The following RPH3AL variants were observed in gnomAD, a reference collection of about 807,000 sequenced individuals.
RPH3AL encodes the protein rabphilin 3A like (without C2 domains).
In RPH3AL, 38 loss-of-function variants were observed where a neutral mutation model predicts 43.1. That is an observed-to-expected ratio of 0.88 (90% confidence interval 0.68 to 1.15). The LOEUF (loss-of-function observed/expected upper bound fraction) is 1.15. Among genes scored for constraint, RPH3AL ranks in the 50% most tolerant of loss-of-function variants. The probability of loss-of-function intolerance (pLI) is 0.00; values close to 1 mark genes in which losing one functional copy is unlikely to be tolerated. For missense variants in RPH3AL, 462 were observed against 423.2 expected, an observed-to-expected ratio of 1.09 and a Z score of -0.81; for synonymous variants, 189 against 176.3, an observed-to-expected ratio of 1.07 and a Z score of -0.57.
chr17:237,082 G>T (rs911529607), intron 7 of RPH3AL, among the ~76,000 whole-genome samples: 1 of 152,218 alleles, frequency 6.6e-6, no homozygotes, highest in Admixed American at 6.5e-5. Flanking sequence ...AGCTCTTCCC[G>T]GAAGACAGGT....
At chr17:234,454 A>T (rs1241961257) in intron 7 of RPH3AL, 1 of 140,248 alleles carries the variant, frequency 7.1e-6, no homozygotes, top group Non-Finnish European at 1.5e-5. Flanking sequence ...ACTTCCACAA[A>T]GGAAGCCAGA....
Position 329,096 on chromosome 17 carries a change from G to A in RPH3AL, c.-36-1517C>T, listed in dbSNP as rs140657219. On this transcript the variant is annotated intron_variant, in intron 2 of 9. Transcript: ENST00000331302. ...AAGAATACACTAAAACCACTGAATC[G>A]CACCCTTTAAAAGTGTGAATTTTAT... 7.6e-4 allele frequency among the ~76,000 whole-genome samples: 115 copies of A among 152,188 alleles called. 1 individual carries two copies. In the Middle Eastern group the frequency reaches 0.01, roughly 14 times the overall value.
In RPH3AL at chr17:212,845, T is replaced by G. The variant is rs1417195320; in HGVS notation, c.*1007A>C. ...GGGAGCCACGTGCCCTGGCTGGGGA[T>G]GCACCTGAACGCTGCTCTTCAGCAA... is the stretch of plus-strand genomic sequence containing the variant. On this transcript the variant is annotated 3_prime_UTR_variant, in exon 10 of 10. Transcript: ENST00000331302. The G allele has an allele frequency of 6.6e-6, 1 of 152,006 alleles. No homozygotes were observed. Among genetic ancestry groups the G allele is most frequent in the African/African-American group, 2.4e-5 (1 of 41,412 alleles). 9.4% of individuals were successfully genotyped at this position (152,006 alleles called of 1,614,324 possible).
chr17:303,433 A>C, intron 5 of RPH3AL, among the ~76,000 whole-genome samples: 1 of 152,218 alleles, frequency 6.6e-6, no homozygotes, highest in African/African-American at 2.4e-5. Context: ...ACAACTTTGC[A>C]ATGAATTAGA....
intron 1 of RPH3AL, among the ~76,000 whole-genome samples, chr17:347,328 A>G (rs1276280542): frequency 6.6e-6 from 1 of 152,230 alleles, no homozygotes; most frequent in Non-Finnish European, 1.5e-5. Flanking sequence ...CTCTGTATCT[A>G]TGAAAAATAA....
At chr17:285,364 G>A (rs1170128460) in intron 5 of RPH3AL, among the ~76,000 whole-genome samples, 4 of 152,128 alleles carry the variant, frequency 2.6e-5, no homozygotes, top group South Asian at 2.1e-4. Context: ...AACCTCAGAC[G>A]TTCTCAGCTG....
intron 1 of RPH3AL, among the ~76,000 whole-genome samples, chr17:336,509 C>T (rs927160414): frequency 3.9e-5 from 6 of 152,144 alleles, no homozygotes; most frequent in African/African-American, 1.4e-4. Flanking sequence ...GCGGCTCCCC[C>T]TCCTCCCAGC....
At chr17:251,628 G>A (rs1200762152) in intron 6 of RPH3AL, among the ~76,000 whole-genome samples, 1 of 152,218 alleles carries the variant, frequency 6.6e-6, no homozygotes, top group East Asian at 1.9e-4. Flanking sequence ...GAGTGGAGAG[G>A]ACTGCCTGAC....
At chr17:284,138 C>T (rs2151610256) in intron 5 of RPH3AL, among the ~76,000 whole-genome samples, 1 of 152,320 alleles carries the variant, frequency 6.6e-6, no homozygotes, top group Non-Finnish European at 1.5e-5. Flanking sequence ...GCATAGGCTG[C>T]TGAACGAGGC....
At chr17:218,099 T>G (rs2040854739) in intron 8 of RPH3AL, among the ~76,000 whole-genome samples, 1 of 143,038 alleles carries the variant, frequency 7.0e-6, no homozygotes, top group Non-Finnish European at 1.5e-5. Flanking sequence ...TATGGAGCCC[T>G]TTCTTCTTCT....
intron 7 of RPH3AL, among the ~76,000 whole-genome samples, chr17:229,326 G>C (rs571661862): frequency 1.3e-5 from 2 of 152,224 alleles, no homozygotes; most frequent in Non-Finnish European, 2.9e-5. Flanking sequence ...CCCCACTGCT[G>C]GGTTTTGGGC....
chr17:293,669 A>G (rs1212803667), intron 5 of RPH3AL, among the ~76,000 whole-genome samples: 1 of 152,192 alleles, frequency 6.6e-6, no homozygotes, highest in Non-Finnish European at 1.5e-5. Flanking sequence ...GGTGCACTCA[A>G]CAGGAGCTTC....
At chr17:281,581 C>T (rs907618164) in intron 6 of RPH3AL, among the ~76,000 whole-genome samples, 187 bp downstream of exon 6, 6 of 152,158 alleles carry the variant, frequency 3.9e-5, no homozygotes, top group East Asian at 1.9e-4. Context: ...TGCTTTTCTC[C>T]GCCGAGTGGT....
At chr17:294,765 C>T (rs1386804762) in intron 5 of RPH3AL, among the ~76,000 whole-genome samples, 1 of 62,602 alleles carries the variant, frequency 1.6e-5, no homozygotes, top group African/African-American at 6.2e-5. Context: ...AGGGAATGCA[C>T]ATCAGTGTGG....
chr17:305,703 T>C (rs4074549), intron 5 of RPH3AL, among the ~76,000 whole-genome samples: 119,689 of 151,950 alleles, frequency 0.79, 49,057 homozygotes, highest in East Asian at 0.95. Flanking sequence ...CGCCCACACC[T>C]GGTGGGCTCC....
chr17:238,071 C>T (rs533604437), intron 7 of RPH3AL, among the ~76,000 whole-genome samples: 1 of 151,788 alleles, frequency 6.6e-6, no homozygotes, highest in African/African-American at 2.4e-5. Flanking sequence ...TCCGGGAAGT[C>T]GTGTGCAGTT....
At chr17:316,520 TGACCTGTAGTCCCTGTG>T (rs2044205378) in intron 5 of RPH3AL, among the ~76,000 whole-genome samples, 1 of 150,644 alleles carries the variant, frequency 6.6e-6, no homozygotes, top group African/African-American at 2.4e-5. Flanking sequence ...CCACCTCCAG[TGACCTGTAGTCCCTGTG>T]ACTCCACCTC....
intron 5 of RPH3AL, among the ~76,000 whole-genome samples, chr17:284,317 G>C (rs570971349): frequency 6.6e-6 from 1 of 152,300 alleles, no homozygotes; most frequent in Admixed American, 6.5e-5. Flanking sequence ...GCTCGTTCAC[G>C]GTAAAGCAGA....
At chr17:318,543 C>T (rs999696279) in intron 5 of RPH3AL, among the ~76,000 whole-genome samples, 8 of 152,080 alleles carry the variant, frequency 5.3e-5, no homozygotes, top group African/African-American at 1.9e-4. Flanking sequence ...AGCTGTGCAG[C>T]TACCAACCTA....
Sources: gnomAD v4.1 joint callset for allele counts (sites outside exome capture counted in the v4.1 genomes callset) on GRCh38, gnomAD v4.1.1 for gene constraint, MANE v1.5 for transcripts, NCBI Gene and HGNC (gene_info 2026-07-23, HGNC 2026-07-21) for gene names.